The following CHCHD3 variants were observed in gnomAD, a reference collection of about 807,000 sequenced individuals.
CHCHD3 encodes the protein MICOS complex subunit MIC19.
Under a neutral mutation model 38.2 loss-of-function variants are expected in CHCHD3, and 20 were observed. The ratio of observed to expected loss-of-function variants is 0.52; its 90% CI spans 0.37 to 0.76. The LOEUF (loss-of-function observed/expected upper bound fraction) is 0.76. Ranked by LOEUF, CHCHD3 falls within the 30% of genes least tolerant of loss-of-function variation. The probability of loss-of-function intolerance (pLI) is 0.00; values close to 1 mark genes in which losing one functional copy is unlikely to be tolerated. For synonymous variants in CHCHD3, 82 were observed against 100.0 expected, an observed-to-expected ratio of 0.82 and a Z score of 1.07; for missense variants, 245 against 279.2, an observed-to-expected ratio of 0.88 and a Z score of 0.87.
chr7:132,966,084 C>T (rs1181558023), intron 4 of CHCHD3, among the ~76,000 whole-genome samples: 1 of 152,046 alleles, frequency 6.6e-6, no homozygotes, highest in Non-Finnish European at 1.5e-5. Flanking sequence ...ATGTAGCTTA[C>T]CTCGAATTAT....
Position 133,005,353 on chromosome 7 carries a change from A to G in CHCHD3, c.251+19193T>C, listed in dbSNP as rs1278007262. Among the ~76,000 whole-genome samples the G allele has an allele frequency of 2.0e-5, 3 of 152,234 alleles. No homozygotes were observed. The East Asian group carries it at 5.8e-4, about 29-fold the overall frequency. ...TCCTCACTCGAGGGTGAACCTGAAC[A>G]AGGAACTAGACCTATGCATCTCTTA... On this transcript the variant is annotated intron_variant, in intron 3 of 7. Coordinates refer to ENST00000262570, the MANE Select transcript of CHCHD3 (RefSeq NM_017812.4).
intron 5 of CHCHD3, among the ~76,000 whole-genome samples, chr7:132,884,183 T>C (rs1235920178): frequency 1.3e-5 from 2 of 152,056 alleles, no homozygotes; most frequent in Admixed American, 6.6e-5. Flanking sequence ...TTCCCAAACA[T>C]GCCAAGTTCA....
chr7:132,935,569 A>C (rs1810615502), intron 4 of CHCHD3, among the ~76,000 whole-genome samples: 2 of 152,206 alleles, frequency 1.3e-5, no homozygotes, highest in South Asian at 4.1e-4. Flanking sequence ...GTCATATTTC[A>C]TATAGTGCCT....
At chr7:132,834,843 G>C (rs1263166109) in intron 6 of CHCHD3, among the ~76,000 whole-genome samples, 2 of 152,094 alleles carry the variant, frequency 1.3e-5, no homozygotes, top group Non-Finnish European at 2.9e-5. Flanking sequence ...TCATTAAACT[G>C]CTTGACTGAT....
At chr7:133,004,332 C>T (rs1177065701) in intron 3 of CHCHD3, among the ~76,000 whole-genome samples, 1 of 152,174 alleles carries the variant, frequency 6.6e-6, no homozygotes, top group Non-Finnish European at 1.5e-5. Flanking sequence ...CCAGATCCAT[C>T]AGTTTTTCCA....
intron 1 of CHCHD3, among the ~76,000 whole-genome samples, chr7:133,076,670 G>A (rs1231913192): frequency 3.3e-5 from 5 of 152,092 alleles, no homozygotes; most frequent in Non-Finnish European, 5.9e-5. Flanking sequence ...TCCAAAATCC[G>A]TGCCAGAAAC....
At position 132,877,373 on chromosome 7, in the gene CHCHD3, GA is replaced by G. The variant is rs546062712; in HGVS notation, c.453+8288del. 3.9e-3 allele frequency among the ~76,000 whole-genome samples: 588 copies of G among 151,742 alleles called. 3 individuals carry two copies. Among genetic ancestry groups the G allele is most frequent in the African/African-American group, 0.014 (564 of 41,414 alleles). On this transcript the variant is annotated intron_variant, in intron 5 of 7. Transcript: ENST00000262570. The stretch of plus-strand genomic sequence containing the variant: ...ATTTTTCCCCAGAGCACAAACTAGG[GA>G]AAAAAAATATCTTGCTTGCTACTTT...
chr7:132,793,926 A>C (rs920189719), intron 7 of CHCHD3, among the ~76,000 whole-genome samples: 1 of 152,258 alleles, frequency 6.6e-6, no homozygotes, highest in African/African-American at 2.4e-5. Context: ...GAGTCTCTTA[A>C]CAGGGGCACA....
At chr7:133,009,940 A>C (rs1812816581) in intron 3 of CHCHD3, among the ~76,000 whole-genome samples, 1 of 152,220 alleles carries the variant, frequency 6.6e-6, no homozygotes, top group South Asian at 2.1e-4. Context: ...AAGGAAACTG[A>C]GCAACTGTCT....
chr7:133,042,476 G>A (rs1366073043), intron 2 of CHCHD3, among the ~76,000 whole-genome samples: 2 of 152,152 alleles, frequency 1.3e-5, no homozygotes, highest in African/African-American at 2.4e-5. Context: ...CCAGAAAGAT[G>A]TAGGGAGCTT....
At chr7:133,046,842 C>T (rs945606183) in intron 2 of CHCHD3, among the ~76,000 whole-genome samples, 1 of 152,164 alleles carries the variant, frequency 6.6e-6, no homozygotes, top group Non-Finnish European at 1.5e-5. Context: ...GGATTACAGG[C>T]GTGAGCCACC....
intron 3 of CHCHD3, among the ~76,000 whole-genome samples, chr7:132,976,449 A>G (rs999921985): frequency 1.3e-5 from 2 of 152,230 alleles, no homozygotes; most frequent in African/African-American, 4.8e-5. Context: ...TGATAAAGAT[A>G]AATTACTTTG....
intron 6 of CHCHD3, among the ~76,000 whole-genome samples, chr7:132,814,035 G>A (rs2117056093): frequency 6.6e-6 from 1 of 152,338 alleles, no homozygotes; most frequent in East Asian, 1.9e-4. Context: ...TGACTAAGCA[G>A]TGAGGGGAAC....
At chr7:132,907,782 G>A (rs1382774298) in intron 4 of CHCHD3, among the ~76,000 whole-genome samples, 1 of 152,122 alleles carries the variant, frequency 6.6e-6, no homozygotes, top group Admixed American at 6.5e-5. Flanking sequence ...AACCATTAAA[G>A]GGCCTGTTGA....
intron 4 of CHCHD3, among the ~76,000 whole-genome samples, chr7:132,956,039 C>CA (rs1476333552): frequency 2.0e-5 from 3 of 152,080 alleles, no homozygotes; most frequent in Non-Finnish European, 2.9e-5. Flanking sequence ...AAGTTTTGCT[C>CA]AAAAAAGAGA....
chr7:132,858,850 C>T (rs948338616), intron 5 of CHCHD3, among the ~76,000 whole-genome samples: 3 of 152,132 alleles, frequency 2.0e-5, no homozygotes, highest in Admixed American at 6.6e-5. Context: ...CCAGGACATG[C>T]GCTTTACATA....
chr7:132,796,013 A>C (rs549980879), intron 7 of CHCHD3, among the ~76,000 whole-genome samples: 33 of 151,048 alleles, frequency 2.2e-4, no homozygotes, highest in African/African-American at 7.3e-4. Context: ...ACAGTGACTG[A>C]ACGGTGGTGT....
In CHCHD3 at chr7:132,850,017, C is replaced by T. The variant is rs183829722; in HGVS notation, c.454-11548G>A. ...CAGGGTGAAAGTAATCAGGAATAGACCTCTGTAAGCCCTAAGATGTTTGCT... is the reference window on the plus strand; with the variant it reads ...CAGGGTGAAAGTAATCAGGAATAGATCTCTGTAAGCCCTAAGATGTTTGCT... On this transcript the variant is annotated intron_variant, in intron 5 of 7. Coordinates refer to ENST00000262570, the MANE Select transcript of CHCHD3 (RefSeq NM_017812.4). Among the ~76,000 whole-genome samples the T allele has an allele frequency of 9.5e-3, 1,442 of 152,268 alleles. 12 individuals are homozygous for T. Among genetic ancestry groups the T allele is most frequent in the Middle Eastern group, 0.02 (6 of 294 alleles).
At chr7:132,874,665 G>A (rs906322920) in intron 5 of CHCHD3, among the ~76,000 whole-genome samples, 1 of 152,144 alleles carries the variant, frequency 6.6e-6, no homozygotes, top group Non-Finnish European at 1.5e-5. Flanking sequence ...TTGGGTTAAT[G>A]GGCATGGTGC....
Sources: gnomAD v4.1 joint callset for allele counts (sites outside exome capture counted in the v4.1 genomes callset) on GRCh38, gnomAD v4.1.1 for gene constraint, MANE v1.5 for transcripts, NCBI Gene and HGNC (gene_info 2026-07-23, HGNC 2026-07-21) for gene names.